The following MTERF3 variants were observed in gnomAD, a reference collection of about 807,000 sequenced individuals.
The protein encoded by MTERF3 is transcription termination factor 3, mitochondrial.
MTERF3 carries 40 observed loss-of-function variants against 40.5 expected under a neutral mutation model. The observed-to-expected ratio is 0.99, with a 90% CI of 0.77 to 1.29. The LOEUF (loss-of-function observed/expected upper bound fraction) is 1.29. Ranked by LOEUF, MTERF3 falls within the 50% of genes most tolerant of loss-of-function variation. MTERF3 has a pLI of 0.00. For missense variants in MTERF3, 452 were observed against 478.2 expected (o/e 0.95, Z 0.51); for synonymous variants, 158 against 166.6 (o/e 0.95, Z 0.40).
chr8:96,253,842 TTAAAAAA>T (rs1810232323), intron 3 of MTERF3, among the ~76,000 whole-genome samples: 1 of 98,510 alleles, frequency 1.0e-5, no homozygotes, highest in Admixed American at 1.0e-4. Context: ...CTCCCTCTAT[TTAAAAAA>T]AAAAAAAAAA....
chr8:96,257,457 A>C (rs776560339), intron 2 of MTERF3, among the ~76,000 whole-genome samples: 1 of 152,216 alleles, frequency 6.6e-6, no homozygotes, highest in Admixed American at 6.5e-5. Flanking sequence ...AACTTGGCTA[A>C]AAGTACACAT....
rs190808466 is a variant in MTERF3, at chr8:96,254,636, G to A, written c.487+2326C>T. ...GTATAAATATACCACATTTTCTTTA[G>A]CCATTCATCCACTGATGGACACTTA... is the stretch of plus-strand genomic sequence containing the variant. On this transcript the variant is annotated intron_variant, in intron 3 of 7. Transcript: ENST00000287025. 1.4e-4 allele frequency among the ~76,000 whole-genome samples: 22 copies of A among 152,188 alleles called. No individual in the cohort carries two copies. In the East Asian group the frequency reaches 3.7e-3, roughly 25 times the overall value.
chr8:96,250,696 GGGGGGA>G (rs1554580098), intron 4 of MTERF3, among the ~76,000 whole-genome samples: 2 of 25,076 alleles, frequency 8.0e-5, no homozygotes, highest in African/African-American at 1.6e-4. Context: ...GGAGGAGGAG[GGGGGGA>G]GGGGGAGGGG....
chr8:96,255,594 A>G (rs1004259542), intron 3 of MTERF3, among the ~76,000 whole-genome samples: 1 of 150,758 alleles, frequency 6.6e-6, no homozygotes, highest in Admixed American at 6.6e-5. Context: ...CTGAGATGGT[A>G]CCACTGTACT....
intron 7 of MTERF3, among the ~76,000 whole-genome samples, chr8:96,242,350 C>T (rs1809944941): frequency 6.6e-6 from 1 of 152,154 alleles, no homozygotes; most frequent in African/African-American, 2.4e-5. Flanking sequence ...ATCTGGTCAG[C>T]TTATAATTTC....
chr8:96,245,530 T>C (rs1326656401), intron 6 of MTERF3, among the ~76,000 whole-genome samples: 1 of 152,202 alleles, frequency 6.6e-6, no homozygotes, highest in Non-Finnish European at 1.5e-5. Context: ...CTGGTAACAC[T>C]GCCCAGGTAA....
At chr8:96,247,442 G>C (rs1482419458) in intron 4 of MTERF3, among the ~76,000 whole-genome samples, 1 of 151,978 alleles carries the variant, frequency 6.6e-6, no homozygotes, top group Non-Finnish European at 1.5e-5. Flanking sequence ...GTAAAAGATG[G>C]TTTTACTAAA....
chr8:96,259,533 A>G (rs1810341555), intron 1 of MTERF3, among the ~76,000 whole-genome samples: 3 of 152,362 alleles, frequency 2.0e-5, no homozygotes, highest in East Asian at 1.9e-4. Flanking sequence ...GTTAAACTCC[A>G]GGAATATGAA....
chr8:96,244,600 C>T, intron 6 of MTERF3, among the ~76,000 whole-genome samples: 1 of 152,182 alleles, frequency 6.6e-6, no homozygotes, highest in Admixed American at 6.5e-5. Context: ...GAGGTTTCAC[C>T]ATGTTGGCCA....
At chr8:96,253,050 C>A (rs377055001) in intron 3 of MTERF3, among the ~76,000 whole-genome samples, 3 of 152,280 alleles carry the variant, frequency 2.0e-5, no homozygotes, top group African/African-American at 7.2e-5. Flanking sequence ...GGTGACCAGT[C>A]TAGTTGGGCT....
chr8:96,252,757 C>G (rs1196397810), intron 3 of MTERF3, among the ~76,000 whole-genome samples: 2 of 152,194 alleles, frequency 1.3e-5, no homozygotes, highest in Non-Finnish European at 2.9e-5. Flanking sequence ...GTTCAGACTT[C>G]ACATTTAACT....
At position 96,239,410 on chromosome 8, in the gene MTERF3, G is replaced by C. The variant is rs1328336462; in HGVS notation, c.*81C>G. 7.1e-6 allele frequency: 8 copies of C among 1,120,000 alleles called. No homozygotes were observed. The highest frequency in any genetic ancestry group is 9.9e-6 in the Non-Finnish European group (8 of 810,586). The allele number at this position is 1,120,000 out of a possible 1,614,324, so 69.4% of individuals were successfully genotyped here. On this transcript the variant is annotated 3_prime_UTR_variant, in exon 8 of 8. Transcript: ENST00000287025. ...TCAAATGGTTTCCAATATCAGTTGA[G>C]ACCCGAGGCATTTAAAAATATATTC...
At chr8:96,257,511 G>A (rs1374765228) in intron 2 of MTERF3, among the ~76,000 whole-genome samples, 1 of 152,138 alleles carries the variant, frequency 6.6e-6, no homozygotes, top group African/African-American at 2.4e-5. Flanking sequence ...ATCATATCCC[G>A]AAAGTCTTTG....
Position 96,245,946 on chromosome 8 carries a change from A to G in MTERF3, c.826-15T>C, listed in dbSNP as rs1394002301. The G allele has an allele frequency of 6.2e-7, 1 of 1,610,092 alleles. No homozygotes were observed. The highest frequency in any genetic ancestry group is 8.5e-7 in the Non-Finnish European group (1 of 1,177,176). On this transcript the variant is annotated splice_polypyrimidine_tract_variant and intron_variant, in intron 5 of 7. Coordinates refer to ENST00000287025, the MANE Select transcript of MTERF3 (RefSeq NM_015942.5). ...AGATCTCTAGTCTGTGGTTGCAAAC[A>G]AAACAATCTAGTATTACTATACGTG...
At position 96,251,572 on chromosome 8, in the gene MTERF3, T is replaced by C. The variant is rs527531210; in HGVS notation, c.488-477A>G. ...ATCATAGGGGGAATAAAAATGACCC[T>C]GTGCCTTACTCATCGTTGTAATCTC... On this transcript the variant is annotated intron_variant, in intron 3 of 7. Coordinates refer to ENST00000287025, the MANE Select transcript of MTERF3 (RefSeq NM_015942.5). Among the ~76,000 whole-genome samples, 565 of 152,358 alleles carry C rather than the reference T, an allele frequency of 3.7e-3. 2 individuals carry two copies. The highest frequency in any genetic ancestry group is 8.7e-3 in the South Asian group (42 of 4,828).
chr8:96,245,508 T>C (rs903319268), intron 6 of MTERF3, among the ~76,000 whole-genome samples: 1 of 152,008 alleles, frequency 6.6e-6, no homozygotes, highest in African/African-American at 2.4e-5. Context: ...CCAACAGGAG[T>C]ACTTTCGTAG....
At chr8:96,258,290 T>C in intron 2 of MTERF3, 67 bp downstream of exon 2, 1 of 1,485,894 alleles carries the variant, frequency 6.7e-7, no homozygotes, top group South Asian at 1.4e-5. Context: ...TAGCAGAAGG[T>C]AAACAGGTAG....
chr8:96,259,907 A>T lies in MTERF3; in HGVS notation c.-10-1207T>A, dbSNP rs546486589. Among the ~76,000 whole-genome samples, 690 of 150,664 alleles carry T rather than the reference A, an allele frequency of 4.6e-3. 9 individuals are homozygous for T. Among genetic ancestry groups the T allele is most frequent in the African/African-American group, 0.016 (656 of 40,744 alleles). On this transcript the variant is annotated intron_variant, in intron 1 of 7. Coordinates refer to ENST00000287025, the MANE Select transcript of MTERF3 (RefSeq NM_015942.5). ...TCTGCAATTATTTATTATTATTATT[A>T]TTATTATTTTTTTTGAGACGGAGTT...
chr8:96,257,654 GTT>G, intron 2 of MTERF3, among the ~76,000 whole-genome samples: 1 of 152,250 alleles, frequency 6.6e-6, no homozygotes, highest in South Asian at 2.1e-4. Context: ...TTCTGAAGTT[GTT>G]TTTGTTTTTT....
Sources: gnomAD v4.1 joint callset for allele counts (sites outside exome capture counted in the v4.1 genomes callset) on GRCh38, gnomAD v4.1.1 for gene constraint, MANE v1.5 for transcripts, NCBI Gene and HGNC (gene_info 2026-07-23, HGNC 2026-07-21) for gene names.